The following LRRFIP2 variants were observed in gnomAD, a reference collection of about 807,000 sequenced individuals.
LRRFIP2 encodes LRR binding FLII interacting protein 2.
A neutral mutation model predicts 125.9 loss-of-function variants in LRRFIP2; 109 were observed. That is an observed-to-expected ratio of 0.87 (90% CI 0.74 to 1.01). LRRFIP2 has a LOEUF of 1.01. Among genes scored for constraint, LRRFIP2 ranks in the 50% least tolerant of loss-of-function variants. The probability of loss-of-function intolerance (pLI) is 0.00; values close to 1 mark genes in which losing one functional copy is unlikely to be tolerated. For synonymous variants in LRRFIP2, 291 were observed against 293.1 expected, an observed-to-expected ratio of 0.99 and a Z score of 0.07; for missense variants, 850 against 862.3, an observed-to-expected ratio of 0.99 and a Z score of 0.18.
At chr3:37,110,251 T>G (rs933385839) in intron 9 of LRRFIP2, among the ~76,000 whole-genome samples, 2 of 152,228 alleles carry the variant, frequency 1.3e-5, no homozygotes, top group African/African-American at 4.8e-5. Flanking sequence ...TTAGATAAAT[T>G]GTACTAGTCA....
chr3:37,100,361 CACATACATACATACATGTAT>C (rs1324139665), intron 15 of LRRFIP2, among the ~76,000 whole-genome samples: 16 of 145,038 alleles, frequency 1.1e-4, no homozygotes, highest in East Asian at 9.7e-4. Context: ...TATATATATA[CACATACATACATACATGTAT>C]ACATACATAC....
intron 9 of LRRFIP2, 77 bp from the exon 10 acceptor site, chr3:37,109,780 A>T: frequency 7.8e-7 from 1 of 1,279,094 alleles, no homozygotes; most frequent in Non-Finnish European, 1.1e-6. Context: ...AATGCAGAGG[A>T]CTTAAGTTTA....
intron 2 of LRRFIP2, among the ~76,000 whole-genome samples, chr3:37,136,933 A>T (rs2095567883): frequency 8.8e-6 from 1 of 113,880 alleles, no homozygotes; most frequent in Non-Finnish European, 1.6e-5. Flanking sequence ...TAGCAAGGAT[A>T]GATCCTTATT....
At chr3:37,120,351 C>T (rs1168581901) in intron 6 of LRRFIP2, among the ~76,000 whole-genome samples, 3 of 151,940 alleles carry the variant, frequency 2.0e-5, no homozygotes, top group African/African-American at 4.8e-5. Flanking sequence ...GTGATCCACC[C>T]GCCTTGGCCT....
At chr3:37,064,990 C>T (rs1481897011) in intron 23 of LRRFIP2, 11 of 152,676 alleles carry the variant, frequency 7.2e-5, no homozygotes, top group African/African-American at 2.4e-4. Context: ...CTGGAATGCA[C>T]ATTAGAGAAT....
rs532141908 is a variant in LRRFIP2, at chr3:37,058,877, G to A, written c.1783C>T (p.Arg595Ter). The A allele has an allele frequency of 5.6e-6, 9 of 1,613,744 alleles. No individual in the cohort carries two copies. The highest frequency in any genetic ancestry group is 2.2e-5 in the South Asian group (2 of 91,076). Residue 595 changes from arginine (R) to a stop codon, truncating the protein, a stop_gained, in exon 25 of 28, where the codon CGA (arginine) becomes TGA (stop). Transcript: ENST00000336686. LOFTEE classifies it high-confidence loss of function. ...CCATCATTCCTGGAGCATTTCTGTC[G>A]TTCCTCCTCTAACTGAAGCTTCAGT... is the stretch of plus-strand genomic sequence containing the variant. Reference protein sequence around the residue: ...RKLKLQLEEERQKCSRNDGTV... With the variant: ...RKLKLQLEEE
chr3:37,150,000 C>CA (rs948840080), intron 1 of LRRFIP2, among the ~76,000 whole-genome samples: 38 of 144,528 alleles, frequency 2.6e-4, no homozygotes, highest in East Asian at 8.1e-4. Context: ...GACTCCACCT[C>CA]AAAAAAAAAC....
intron 19 of LRRFIP2, among the ~76,000 whole-genome samples, chr3:37,076,316 G>A (rs9831918): frequency 1.3e-5 from 2 of 152,078 alleles, no homozygotes; most frequent in Admixed American, 1.3e-4. Flanking sequence ...TTGAGCCGAA[G>A]AATTCAAGAC....
chr3:37,101,944 C>G (rs1316976823), intron 15 of LRRFIP2, among the ~76,000 whole-genome samples: 2 of 152,102 alleles, frequency 1.3e-5, no homozygotes, highest in African/African-American at 4.8e-5. Context: ...AATGTGGGAG[C>G]AATGGATAGG....
rs571909888 is a variant in LRRFIP2 at position 37,111,151 on chromosome 3, G to A, written c.439-86C>T. On this transcript the variant is annotated intron_variant, in intron 8 of 27. Coordinates refer to ENST00000336686, the MANE Select transcript of LRRFIP2 (RefSeq NM_006309.4). The stretch of plus-strand genomic sequence containing the variant: ...ACAAAGGCAAAACTGAACACAAAAA[G>A]GCAAAATATGATATTGCCAAATCCC... 8.1e-6 allele frequency: 8 copies of A among 985,006 alleles called. No homozygotes were observed. The South Asian group carries it at 1.2e-4, about 14-fold the overall frequency. 61.0% of individuals were successfully genotyped at this position (985,006 alleles called of 1,614,324 possible).
At chr3:37,095,051 G>T in intron 16 of LRRFIP2, 143 bp from the exon 17 acceptor site, 1 of 628,680 alleles carries the variant, frequency 1.6e-6, no homozygotes, top group Non-Finnish European at 2.9e-6. Context: ...GGTCAATTTA[G>T]ATTGGCTTTG....
chr3:37,055,343 T>C (rs190985461), intron 25 of LRRFIP2, among the ~76,000 whole-genome samples, 178 bp from the exon 26 acceptor site: 4 of 152,124 alleles, frequency 2.6e-5, no homozygotes, highest in Admixed American at 2.6e-4. Flanking sequence ...GGTGGGTGGA[T>C]CATGAGGTCA....
intron 18 of LRRFIP2, among the ~76,000 whole-genome samples, chr3:37,090,186 CT>C (rs1400716679): frequency 6.6e-6 from 1 of 151,904 alleles, no homozygotes; most frequent in African/African-American, 2.4e-5. Flanking sequence ...TTGCTTTTTG[CT>C]TTTTTAGAGG....
chr3:37,115,145 AT>A, intron 6 of LRRFIP2, 50 bp from the exon 7 acceptor site: 1 of 1,319,114 alleles, frequency 7.6e-7, no homozygotes, highest in Non-Finnish European at 1.1e-6. Context: ...ATTCAGAAAT[AT>A]AAAGAAGAGA....
chr3:37,077,995 G>T (rs1335918356), intron 19 of LRRFIP2, among the ~76,000 whole-genome samples: 1 of 152,068 alleles, frequency 6.6e-6, no homozygotes, highest in African/African-American at 2.4e-5. Context: ...AGTTGCCAAG[G>T]GCTGGTGGTA....
At chr3:37,127,605 T>C (rs766162402) in intron 4 of LRRFIP2, 25 bp downstream of exon 4, 9 of 1,609,936 alleles carry the variant, frequency 5.6e-6, no homozygotes, top group Middle Eastern at 1.6e-4. Context: ...GATCACAACA[T>C]GCAGGACAGG....
At chr3:37,121,428 G>A (rs1326940439) in intron 6 of LRRFIP2, 64 bp downstream of exon 6, 33 of 1,445,008 alleles carry the variant, frequency 2.3e-5, no homozygotes, top group Non-Finnish European at 3.1e-5. Flanking sequence ...GATTGTTTAG[G>A]CAACATTATT....
chr3:37,125,182 G>A lies in LRRFIP2; in HGVS notation c.228+2448C>T, dbSNP rs142887793. On this transcript the variant is annotated intron_variant, in intron 4 of 27. Coordinates refer to ENST00000336686, the MANE Select transcript of LRRFIP2 (RefSeq NM_006309.4). Reference sequence around the variant, plus strand: ...TATTAAAAGAAAACCACAGTCCCATGAATATACCTGGCCATCTTTTCTGTC... The same window carrying A: ...TATTAAAAGAAAACCACAGTCCCATAAATATACCTGGCCATCTTTTCTGTC... 9.2e-3 allele frequency among the ~76,000 whole-genome samples: 1,406 copies of A among 152,272 alleles called. 83 individuals are homozygous for A. The highest frequency in any genetic ancestry group is 0.087 in the Admixed American group (1,323 of 15,294).
rs766154093 is a variant in LRRFIP2, at chr3:37,066,344, G to A, written c.1465-19C>T. The A allele has an allele frequency of 2.2e-5, 35 of 1,588,610 alleles. No homozygotes were observed. The highest frequency in any genetic ancestry group is 2.9e-5 in the Non-Finnish European group (33 of 1,156,852). On this transcript the variant is annotated intron_variant, in intron 21 of 27. Coordinates refer to ENST00000336686, the MANE Select transcript of LRRFIP2 (RefSeq NM_006309.4). ...CTAGGGCCTGGTTTTAGGTAAGGTA[G>A]CAAGGGAAACAATGGCACAGAAAAA... is the stretch of plus-strand genomic sequence containing the variant.
Sources: gnomAD v4.1 joint callset for allele counts (sites outside exome capture counted in the v4.1 genomes callset) on GRCh38, gnomAD v4.1.1 for gene constraint, MANE v1.5 for transcripts, NCBI Gene and HGNC (gene_info 2026-07-23, HGNC 2026-07-21) for gene names.